TRABD2B: variants seen among roughly 807,000 people sequenced by gnomAD.
TRABD2B encodes the protein TraB domain containing 2B.
In TRABD2B, 14 loss-of-function variants were observed where a neutral mutation model predicts 40.1. That is an observed-to-expected ratio of 0.35 (90% CI 0.23 to 0.55). TRABD2B has a LOEUF of 0.55. Among genes scored for constraint, TRABD2B ranks in the 20% least tolerant of loss-of-function variants. The pLI is 0.90. For missense variants in TRABD2B, 541 were observed against 648.6 expected (o/e 0.83, Z 1.80); for synonymous variants, 263 against 277.0 (o/e 0.95, Z 0.50).
In TRABD2B at chr1:47,762,908, C is replaced by T. The variant is rs1644259364; in HGVS notation, c.*2994G>A. On this transcript the variant is annotated 3_prime_UTR_variant, in exon 7 of 7. Transcript: ENST00000606738. The stretch of plus-strand genomic sequence containing the variant: ...TCGTGAGAGGTAGAGGACCCAGGGC[C>T]ACAATAACATGCTGCCCGACCTTAA... 1 of 152,210 alleles carries T rather than the reference C, an allele frequency of 6.6e-6. No homozygotes were observed. The highest frequency in any genetic ancestry group is 1.5e-5 in the Non-Finnish European group (1 of 68,052). 9.4% of individuals were successfully genotyped at this position (152,210 alleles called of 1,614,324 possible). A position where few individuals can be genotyped will look rare whatever the true frequency, so the allele number is the denominator to read the frequency against.
chr1:47,901,470 A>G (rs1570248297), intron 2 of TRABD2B, among the ~76,000 whole-genome samples: 1 of 151,600 alleles, frequency 6.6e-6, no homozygotes, highest in Non-Finnish European at 1.5e-5. Flanking sequence ...GCCTGCTTTC[A>G]CCTCTCCACC....
At chr1:47,975,469 GCAT>G (rs1381022504) in intron 2 of TRABD2B, among the ~76,000 whole-genome samples, 1 of 152,198 alleles carries the variant, frequency 6.6e-6, no homozygotes, top group Non-Finnish European at 1.5e-5. Flanking sequence ...CATACCATTT[GCAT>G]CATTACTTTG....
intron 2 of TRABD2B, chr1:47,819,681 G>A (rs1645080412): frequency 6.6e-6 from 1 of 152,232 alleles, no homozygotes; most frequent in African/African-American, 2.4e-5. Flanking sequence ...GCGGTGCCGG[G>A]AAGGATTTCC....
At chr1:47,830,795 G>A (rs183455135) in intron 2 of TRABD2B, among the ~76,000 whole-genome samples, 1 of 152,328 alleles carries the variant, frequency 6.6e-6, no homozygotes, top group African/African-American at 2.4e-5. Flanking sequence ...GAATCTTTAA[G>A]AGAGACTCTC....
At chr1:47,839,821 C>T (rs985257121) in intron 2 of TRABD2B, among the ~76,000 whole-genome samples, 2 of 152,228 alleles carry the variant, frequency 1.3e-5, no homozygotes, top group Non-Finnish European at 1.5e-5. Flanking sequence ...CTGTGACTCT[C>T]TCCATAGCAG....
intron 2 of TRABD2B, among the ~76,000 whole-genome samples, chr1:47,960,723 A>C: frequency 6.6e-6 from 1 of 152,250 alleles, no homozygotes; most frequent in Non-Finnish European, 1.5e-5. Flanking sequence ...GACCCAAACA[A>C]ACAGAAGAAC....
intron 3 of TRABD2B, among the ~76,000 whole-genome samples, chr1:47,795,144 C>A (rs1357415386): frequency 6.6e-6 from 1 of 152,220 alleles, no homozygotes; most frequent in African/African-American, 2.4e-5. Context: ...GGGCAACTTC[C>A]TTTTATGAGG....
intron 2 of TRABD2B, among the ~76,000 whole-genome samples, chr1:47,968,612 C>T (rs191777770): frequency 6.6e-6 from 1 of 152,304 alleles, no homozygotes; most frequent in East Asian, 1.9e-4. Context: ...CAACCACTCA[C>T]CATGTATGAG....
intron 2 of TRABD2B, among the ~76,000 whole-genome samples, chr1:47,954,225 T>C (rs1265704777): frequency 3.3e-5 from 5 of 152,018 alleles, no homozygotes; most frequent in Non-Finnish European, 7.4e-5. Flanking sequence ...GTTCCCCAAA[T>C]TGGACTTCCT....
intron 2 of TRABD2B, among the ~76,000 whole-genome samples, chr1:47,902,917 T>A (rs927135268): frequency 6.6e-6 from 1 of 152,232 alleles, no homozygotes; most frequent in African/African-American, 2.4e-5. Flanking sequence ...GCTATCATAT[T>A]TGACAGCACA....
chr1:47,927,118 T>C (rs1282628403), intron 2 of TRABD2B, among the ~76,000 whole-genome samples: 2 of 152,102 alleles, frequency 1.3e-5, no homozygotes, highest in Non-Finnish European at 2.9e-5. Flanking sequence ...AGATTGAGAA[T>C]GGCACAAGAT....
chr1:47,978,101 T>C (rs984253688), intron 2 of TRABD2B, among the ~76,000 whole-genome samples: 2 of 152,072 alleles, frequency 1.3e-5, no homozygotes, highest in Non-Finnish European at 2.9e-5. Context: ...TGTGACGGTA[T>C]TAGGAAGTGG....
intron 2 of TRABD2B, among the ~76,000 whole-genome samples, chr1:47,913,694 T>C (rs533706703): frequency 2.0e-5 from 3 of 152,174 alleles, no homozygotes; most frequent in Non-Finnish European, 4.4e-5. Flanking sequence ...CTTCCCTTCC[T>C]TTCCTACCTC....
chr1:47,852,773 G>A (rs1346085380), intron 2 of TRABD2B, among the ~76,000 whole-genome samples: 2 of 152,150 alleles, frequency 1.3e-5, no homozygotes, highest in African/African-American at 4.8e-5. Context: ...CTGAGGTTAA[G>A]TTATTCATCC....
chr1:47,787,054 C>A (rs893953410), intron 4 of TRABD2B, among the ~76,000 whole-genome samples: 8 of 152,180 alleles, frequency 5.3e-5, no homozygotes, highest in Non-Finnish European at 1.2e-4. Flanking sequence ...GATGGCCGCT[C>A]TTCTGTGCCC....
At chr1:47,936,994 T>C (rs879286220) in intron 2 of TRABD2B, among the ~76,000 whole-genome samples, 1 of 147,682 alleles carries the variant, frequency 6.8e-6, no homozygotes, top group African/African-American at 2.5e-5. Context: ...ACCATCATGA[T>C]CACCACCATC....
intron 2 of TRABD2B, among the ~76,000 whole-genome samples, chr1:47,816,168 A>G (rs1392094422): frequency 2.6e-5 from 4 of 151,986 alleles, no homozygotes; most frequent in African/African-American, 9.7e-5. Context: ...TTGCTGCTGG[A>G]GGGCATGCAC....
intron 2 of TRABD2B, among the ~76,000 whole-genome samples, chr1:47,987,811 G>A (rs1645941383): frequency 6.6e-6 from 1 of 152,136 alleles, no homozygotes; most frequent in Non-Finnish European, 1.5e-5. Flanking sequence ...CTGTGGGGGA[G>A]ACACAGCGGG....
intron 2 of TRABD2B, among the ~76,000 whole-genome samples, chr1:47,974,225 TCTC>T (rs1169724457): frequency 6.6e-6 from 1 of 152,112 alleles, no homozygotes; most frequent in East Asian, 1.9e-4. Context: ...TCTCACCTCA[TCTC>T]CTCTCTGCTC....
Sources: allele counts gnomAD v4.1 joint callset (sites outside exome capture counted in the v4.1 genomes callset), GRCh38; gene constraint gnomAD v4.1.1; transcripts MANE v1.5; gene names NCBI Gene and HGNC (gene_info 2026-07-23, HGNC 2026-07-21).